Variants in IQCE observed in about 807,000 individuals in gnomAD.
The protein encoded by IQCE is IQ domain-containing protein E.
In IQCE, 115 loss-of-function variants were observed where a neutral mutation model predicts 96.0. That is an observed-to-expected ratio of 1.20 (90% CI 1.03 to 1.40). The LOEUF is 1.40. IQCE is among the 40% of genes most tolerant of loss of function. IQCE has a pLI of 0.00. For missense variants in IQCE, 1,041 were observed against 909.1 expected (o/e 1.15, Z -1.87); for synonymous variants, 412 against 371.2 (o/e 1.11, Z -1.26).
At chr7:2,572,982 A>G (rs1781868369) in intron 5 of IQCE, among the ~76,000 whole-genome samples, 2 of 152,216 alleles carry the variant, frequency 1.3e-5, no homozygotes, top group Admixed American at 1.3e-4. Flanking sequence ...TTTTAGGCTG[A>G]AATTTAGATG....
At chr7:2,599,642 A>G (rs1468529097) in intron 17 of IQCE, among the ~76,000 whole-genome samples, 1 of 151,832 alleles carries the variant, frequency 6.6e-6, no homozygotes, top group African/African-American at 2.4e-5. Context: ...GACTACAGGC[A>G]GGCACCACCA....
At position 2,578,310 on chromosome 7, in the gene IQCE, C is replaced by G. The variant is rs1782364713; in HGVS notation, c.534C>G (p.Asn178Lys). The G allele has an allele frequency of 3.1e-6, 5 of 1,613,994 alleles. No homozygotes were observed. Among genetic ancestry groups the G allele is most frequent in the Admixed American group, 3.3e-5 (2 of 60,004 alleles). ...AGCTCCGGCGCCTGGAGGAGGAAAA[C>G]AGCAGGAAGGACCGGCAGATAGAGC... ...RTKLRRLEEE[N>K]SRKDRQIEQL... The change falls in exon 7 of 22, where the codon AAC becomes AAG. Residue 178 changes from asparagine to lysine, a missense_variant. Asn to Lys is a moderately conservative substitution (Grantham distance 94). Coordinates refer to ENST00000402050, the MANE Select transcript of IQCE (RefSeq NM_152558.5).
At chr7:2,559,786 A>AGGGG (rs1780797928) in intron 1 of IQCE, among the ~76,000 whole-genome samples, 1 of 39,802 alleles carries the variant, frequency 2.5e-5, no homozygotes, top group African/African-American at 6.1e-5. Flanking sequence ...GGGGGGGCGG[A>AGGGG]GGGACAAGGT....
Position 2,588,543 on chromosome 7 carries a change from C to T in IQCE, c.1044+666C>T, listed in dbSNP as rs559360212. 2.4e-3 allele frequency among the ~76,000 whole-genome samples: 361 copies of T among 148,316 alleles called. 2 individuals are homozygous for T. Among genetic ancestry groups the T allele is most frequent in the African/African-American group, 8.6e-3 (344 of 40,226 alleles). ...TAATTTTTTGTATTTTTAGTAGAGA[C>T]GGGGTTTCACCATGTTAGCCAGGAT... On this transcript the variant is annotated intron_variant, in intron 13 of 21. Coordinates refer to ENST00000402050, the MANE Select transcript of IQCE (RefSeq NM_152558.5).
chr7:2,599,886 C>T (rs1784318867), intron 17 of IQCE, among the ~76,000 whole-genome samples: 1 of 151,952 alleles, frequency 6.6e-6, no homozygotes, highest in African/African-American at 2.4e-5. Context: ...CTCCGCCTCC[C>T]AGGTTCAAGC....
In IQCE at chr7:2,610,285, G is replaced by A; in HGVS notation, c.*123G>A. On this transcript the variant is annotated 3_prime_UTR_variant, in exon 22 of 22. Transcript: ENST00000402050. ...ATACCTACTTAACACCTCAGCATCTGCGTCGTGTCTCTTTGTGCTTTTGTT... is the reference window on the plus strand; with the variant it reads ...ATACCTACTTAACACCTCAGCATCTACGTCGTGTCTCTTTGTGCTTTTGTT... 1 of 689,362 alleles carries A rather than the reference G, an allele frequency of 1.5e-6. No individual in the cohort carries two copies. Among genetic ancestry groups the A allele is most frequent in the Non-Finnish European group, 2.6e-6 (1 of 378,726 alleles). 42.7% of individuals were successfully genotyped at this position (689,362 alleles called of 1,614,324 possible).
At chr7:2,600,878 T>G (rs1422383509) in intron 17 of IQCE, among the ~76,000 whole-genome samples, 1 of 152,210 alleles carries the variant, frequency 6.6e-6, no homozygotes, top group African/African-American at 2.4e-5. Context: ...CGAGGGACCC[T>G]CTCTACTGAT....
At chr7:2,604,590 A>G (rs1008592930) in intron 18 of IQCE, among the ~76,000 whole-genome samples, 3 of 152,176 alleles carry the variant, frequency 2.0e-5, no homozygotes, top group Admixed American at 1.3e-4. Flanking sequence ...ACCAGCTCCT[A>G]TTAGCCGCTG....
rs374640772 is a variant in IQCE, at chr7:2,578,228, C to T, written c.466-14C>T. On this transcript the variant is annotated splice_polypyrimidine_tract_variant and intron_variant, in intron 6 of 21. Transcript: ENST00000402050. ...TTCGTGTGGATGGCTGTGCATGGCCCTTGTTTTCTTCAGTCATTGCACGTG... is the reference window on the plus strand; with the variant it reads ...TTCGTGTGGATGGCTGTGCATGGCCTTTGTTTTCTTCAGTCATTGCACGTG... 99 of 1,601,682 alleles carry T rather than the reference C, an allele frequency of 6.2e-5. No homozygotes were observed. The highest frequency in any genetic ancestry group is 4.4e-4 in the African/African-American group (33 of 74,196).
chr7:2,584,529 T>C (rs750282082), intron 11 of IQCE: 13 of 515,276 alleles, frequency 2.5e-5, no homozygotes, highest in South Asian at 2.0e-4. Flanking sequence ...GTGTTCGTTA[T>C]AGATTCTACA....
chr7:2,587,843 C>T lies in IQCE; in HGVS notation c.1010C>T (p.Pro337Leu), dbSNP rs772289445. Residue 337 changes from proline to leucine, a missense_variant, in exon 13 of 22, where the codon CCC (proline) becomes CTC (leucine). Physicochemically the swap from Pro to Leu is moderately conservative, Grantham distance 98 (BLOSUM62 -3). Coordinates refer to ENST00000402050, the MANE Select transcript of IQCE (RefSeq NM_152558.5). ...TCAGGTTATGTGGAGTGGAGCAAGC[C>T]CCGGCTGCTGAGGCGCATTGTGGAG... ...KTQGYVEWSK[P>L]RLLRRIVELE... 2 of 1,614,074 alleles carry T rather than the reference C, an allele frequency of 1.2e-6. No individual in the cohort carries two copies. Among genetic ancestry groups the T allele is most frequent in the Admixed American group, 3.3e-5 (2 of 60,018 alleles).
chr7:2,583,372 T>G (rs1334631673), intron 9 of IQCE, among the ~76,000 whole-genome samples: 1 of 152,160 alleles, frequency 6.6e-6, no homozygotes, highest in Non-Finnish European at 1.5e-5. Flanking sequence ...GAGAAGAATA[T>G]CTCTGGAAAA....
intron 19 of IQCE, among the ~76,000 whole-genome samples, chr7:2,605,323 A>G (rs1784722819): frequency 6.6e-6 from 1 of 152,186 alleles, no homozygotes; most frequent in Non-Finnish European, 1.5e-5. Context: ...GTTTTTGTTT[A>G]AGAATCCCTA....
intron 9 of IQCE, among the ~76,000 whole-genome samples, chr7:2,583,347 A>T (rs1194652823): frequency 6.6e-6 from 1 of 152,184 alleles, no homozygotes; most frequent in Non-Finnish European, 1.5e-5. Flanking sequence ...TCTTTTAAAG[A>T]CAGCATCTTA....
intron 9 of IQCE, among the ~76,000 whole-genome samples, chr7:2,583,105 C>T (rs545253593): frequency 5.9e-5 from 9 of 152,240 alleles, no homozygotes; most frequent in African/African-American, 9.6e-5. Context: ...CGTTTCCTGC[C>T]GAATTTTGTC....
chr7:2,573,509 C>T (rs1220458097), intron 6 of IQCE, 21 bp downstream of exon 6: 1 of 1,318,906 alleles, frequency 7.6e-7, no homozygotes, highest in Non-Finnish European at 1.1e-6. Context: ...GGTTTGTTCT[C>T]TATTGATTTG....
intron 14 of IQCE, 82 bp from the exon 15 acceptor site, chr7:2,592,938 CTG>C: frequency 2.8e-6 from 4 of 1,443,716 alleles, no homozygotes; most frequent in African/African-American, 1.4e-5. Context: ...GGGCTGAGCA[CTG>C]TCATTTTCTG....
At chr7:2,568,833 G>C in intron 2 of IQCE, 121 bp from the exon 3 acceptor site, 3 of 882,220 alleles carry the variant, frequency 3.4e-6, no homozygotes, top group South Asian at 1.5e-5. Context: ...TTACGTCCCC[G>C]TAAGCTCACG....
chr7:2,563,893 CAAAA>C (rs34269895), intron 1 of IQCE, among the ~76,000 whole-genome samples: 32 of 59,964 alleles, frequency 5.3e-4, no homozygotes, highest in African/African-American at 2.1e-3. Context: ...GACTCCATCT[CAAAA>C]AAAAAAAAAA....
Sources: gnomAD v4.1 joint callset for allele counts (sites outside exome capture counted in the v4.1 genomes callset) on GRCh38, gnomAD v4.1.1 for gene constraint, MANE v1.5 for transcripts, NCBI Gene and HGNC (gene_info 2026-07-23, HGNC 2026-07-21) for gene names.